COQ9: variants seen among roughly 807,000 people sequenced by gnomAD.
COQ9 encodes the protein ubiquinone biosynthesis protein COQ9, mitochondrial.
Under a neutral mutation model 42.4 loss-of-function variants are expected in COQ9, and 35 were observed. The ratio of observed to expected loss-of-function variants is 0.83; its 90% confidence interval spans 0.63 to 1.10. The LOEUF (loss-of-function observed/expected upper bound fraction) is 1.10. Among genes scored for constraint, COQ9 ranks in the 50% least tolerant of loss-of-function variants. The pLI is 0.00. For synonymous variants in COQ9, 155 were observed against 155.1 expected (o/e 1.00, Z 0.00); for missense variants, 406 against 414.6 (o/e 0.98, Z 0.18).
chr16:57,451,181 A>G lies in COQ9; in HGVS notation c.215A>G (p.Asp72Gly), dbSNP rs1392590986. Residue 72 changes from aspartate to glycine, a missense_variant, in exon 2 of 9, where the codon GAT becomes GGT. By Grantham distance (94) the Asp-to-Gly change is moderately conservative. Coordinates refer to ENST00000262507, the MANE Select transcript of COQ9 (RefSeq NM_020312.4). ...HSETQGAEKP[D>G]PESSHSPPRY... Reference sequence around the variant, plus strand: ...GAGACACAGGGGGCAGAAAAACCTGATCCAGAGTCTTCTCATTCACCCCCC... The same window carrying G: ...GAGACACAGGGGGCAGAAAAACCTGGTCCAGAGTCTTCTCATTCACCCCCC... The G allele has an allele frequency of 1.9e-6, 3 of 1,614,028 alleles. No individual in the cohort carries two copies. The highest frequency in any genetic ancestry group is 8.5e-7 in the Non-Finnish European group (1 of 1,180,028).
rs1273571982 is a variant in COQ9 at position 57,447,588 on chromosome 16, C to A, written c.73+10C>A. 1.6e-6 allele frequency: 2 copies of A among 1,262,850 alleles called. No homozygotes were observed. The highest frequency in any genetic ancestry group is 3.1e-5 in the African/African-American group (2 of 64,772). The allele number at this position is 1,262,850 out of a possible 1,614,324, so 78.2% of individuals were successfully genotyped here. A position where few individuals can be genotyped will look rare whatever the true frequency, so the allele number is the denominator to read the frequency against. ...CTGCGATGCCTGCCCGGTGAGGGGG[C>A]TGCCAAGCCGGGGAGAGGCGGGGAG... On this transcript the variant is annotated intron_variant, in intron 1 of 8. Coordinates refer to ENST00000262507, the MANE Select transcript of COQ9 (RefSeq NM_020312.4).
chr16:57,456,438 G>A (rs2030403558), intron 3 of COQ9, 66 bp from the exon 4 acceptor site: 2 of 1,574,644 alleles, frequency 1.3e-6, no homozygotes, highest in African/African-American at 1.3e-5. Context: ...CTCTAGTGAT[G>A]AACAGGCAAC....
At chr16:57,448,519 G>T (rs898865812) in intron 1 of COQ9, among the ~76,000 whole-genome samples, 3 of 151,842 alleles carry the variant, frequency 2.0e-5, no homozygotes, top group Admixed American at 6.6e-5. Flanking sequence ...TACCTCCTGG[G>T]TTCAAGTGAT....
chr16:57,458,412 G>A, intron 6 of COQ9, 62 bp downstream of exon 6: 1 of 1,224,860 alleles, frequency 8.2e-7, no homozygotes, highest in Non-Finnish European at 1.2e-6. Flanking sequence ...ATTTCTTCAA[G>A]AAGCTTGTGA....
At chr16:57,451,230 T>A in intron 2 of COQ9, 22 bp downstream of exon 2, 1 of 1,613,276 alleles carries the variant, frequency 6.2e-7, no homozygotes, top group Non-Finnish European at 8.5e-7. Flanking sequence ...TCCACCTATT[T>A]CTGGCCACTT....
Position 57,461,114 on chromosome 16 carries a change from T to C in COQ9, c.*490T>C, listed in dbSNP as rs223870. The C allele has an allele frequency of 0.97, 441,585 of 454,760 alleles. 214,485 individuals are homozygous for C. The highest frequency in any genetic ancestry group is 1 in the East Asian group (14,378 of 14,380). 28.2% of individuals were successfully genotyped at this position (454,760 alleles called of 1,614,324 possible). ...CCCTCTCAGGTGTCCTGAGATGCTG[T>C]TCCTGGGAGCCCCCTCAGAAAACTG... On this transcript the variant is annotated 3_prime_UTR_variant, in exon 9 of 9. Coordinates refer to ENST00000262507, the MANE Select transcript of COQ9 (RefSeq NM_020312.4).
rs750242572 is a variant in COQ9 at position 57,459,584 on chromosome 16, G to C, written c.731G>C (p.Arg244Pro). ...TTACAGTTTAACTGGTACACCCGCC[G>C]AGCCATGCTGGCTGCCATCTACAAC... ...QSTDFNWYTR[R>P]AMLAAIYNTT... The change falls in exon 7 of 9, where the codon CGA (arginine) becomes CCA (proline). Residue 244 changes from arginine (R) to proline (P), a missense_variant. Arg to Pro is a moderately radical substitution (Grantham distance 103, BLOSUM62 -2). Coordinates refer to ENST00000262507, the MANE Select transcript of COQ9 (RefSeq NM_020312.4). 1 of 1,614,114 alleles carries C rather than the reference G, an allele frequency of 6.2e-7. No homozygotes were observed. The highest frequency in any genetic ancestry group is 8.5e-7 in the Non-Finnish European group (1 of 1,180,008).
chr16:57,453,187 A>G, intron 3 of COQ9: 2 of 545,996 alleles, frequency 3.7e-6, no homozygotes, highest in Admixed American at 3.1e-5. Context: ...GTCTGTGATC[A>G]AAACTCCCAT....
intron 1 of COQ9, among the ~76,000 whole-genome samples, chr16:57,449,328 G>A (rs2030225918): frequency 6.6e-6 from 1 of 152,144 alleles, no homozygotes; most frequent in African/African-American, 2.4e-5. Flanking sequence ...AAGGGATGTG[G>A]CCCTGAGTGA....
chr16:57,455,397 TTATATA>T (rs147294926), intron 3 of COQ9, among the ~76,000 whole-genome samples: 2 of 142,866 alleles, frequency 1.4e-5, no homozygotes, highest in Non-Finnish European at 3.0e-5. Context: ...CACGCTGATT[TTATATA>T]TATATATATA....
chr16:57,456,393 A>C, intron 3 of COQ9, 111 bp from the exon 4 acceptor site: 1 of 1,248,684 alleles, frequency 8.0e-7, no homozygotes, highest in Non-Finnish European at 1.2e-6. Flanking sequence ...ATGGACCCAG[A>C]GTGAAGAAAT....
chr16:57,458,231 C>A lies in COQ9; in HGVS notation c.607-15C>A. 6.3e-7 allele frequency: 1 copy of A among 1,585,894 alleles called. No homozygotes were observed. Among genetic ancestry groups the A allele is most frequent in the Non-Finnish European group, 8.6e-7 (1 of 1,160,822 alleles). ...CCTGTGAGCAGAGCTTACTCCTCTGCCATTCTCTCTCCAGGCCCTCAGCAT... is the reference window on the plus strand; with the variant it reads ...CCTGTGAGCAGAGCTTACTCCTCTGACATTCTCTCTCCAGGCCCTCAGCAT... On this transcript the variant is annotated splice_polypyrimidine_tract_variant and intron_variant, in intron 5 of 8. Transcript: ENST00000262507.
Position 57,461,091 on chromosome 16 carries a change from C to A in COQ9, c.*467C>A, listed in dbSNP as rs2030526085. The A allele has an allele frequency of 2.2e-6, 1 of 451,108 alleles. No homozygotes were observed. The highest frequency in any genetic ancestry group is 2.4e-5 in the Admixed American group (1 of 42,048). 27.9% of individuals were successfully genotyped at this position (451,108 alleles called of 1,614,324 possible). On this transcript the variant is annotated 3_prime_UTR_variant, in exon 9 of 9. Coordinates refer to ENST00000262507, the MANE Select transcript of COQ9 (RefSeq NM_020312.4). Reference sequence around the variant, plus strand: ...AGAGGTGTTCCTTGCAGCCCCCTCCCTCTCAGGTGTCCTGAGATGCTGTTC... The same window carrying A: ...AGAGGTGTTCCTTGCAGCCCCCTCCATCTCAGGTGTCCTGAGATGCTGTTC...
chr16:57,448,901 A>AT (rs1393330602), intron 1 of COQ9, among the ~76,000 whole-genome samples: 6 of 152,044 alleles, frequency 3.9e-5, no homozygotes, highest in East Asian at 3.9e-4. Flanking sequence ...ACAGAATAGT[A>AT]TTTTTTTTAT....
At chr16:57,447,758 T>A (rs223861) in intron 1 of COQ9, 180 bp downstream of exon 1, 1 of 429,682 alleles carries the variant, frequency 2.3e-6, no homozygotes, top group Non-Finnish European at 3.9e-6. Flanking sequence ...TGCTCCGCTG[T>A]CTGTGAGGGG....
intron 1 of COQ9, among the ~76,000 whole-genome samples, chr16:57,448,602 G>A (rs560721454): frequency 2.0e-5 from 3 of 151,604 alleles, no homozygotes; most frequent in African/African-American, 4.8e-5. Flanking sequence ...TTTAGTAGAC[G>A]GGGTTTCACC....
intron 2 of COQ9, among the ~76,000 whole-genome samples, chr16:57,451,962 G>A (rs1372045650): frequency 2.0e-5 from 3 of 152,152 alleles, no homozygotes; most frequent in Non-Finnish European, 4.4e-5. Flanking sequence ...CCTCCAGAAA[G>A]GTAATACTAA....
rs566868121 is a variant in COQ9, at chr16:57,453,004, G to C, written c.378+68G>C. On this transcript the variant is annotated intron_variant, in intron 3 of 8. Transcript: ENST00000262507. ...AGGATGGAGTCACACCAGGCAGAGC[G>C]GGGGGCCTCATGCCTTCTTCCAGTC... is the stretch of plus-strand genomic sequence containing the variant. 7.5e-6 allele frequency: 12 copies of C among 1,599,586 alleles called. No homozygotes were observed. In the Admixed American group the frequency reaches 1.3e-4, roughly 18 times the overall value.
intron 3 of COQ9, chr16:57,454,035 A>G (rs1227020956): frequency 1.3e-5 from 2 of 152,232 alleles, no homozygotes; most frequent in African/African-American, 2.4e-5. Flanking sequence ...GGTAAGTGCT[A>G]TCAAGGAAAG....
Sources: gnomAD v4.1 joint callset for allele counts (sites outside exome capture counted in the v4.1 genomes callset) on GRCh38, gnomAD v4.1.1 for gene constraint, MANE v1.5 for transcripts, NCBI Gene and HGNC (gene_info 2026-07-23, HGNC 2026-07-21) for gene names.